Variants in STAU2 observed in about 807,000 individuals in gnomAD.
STAU2 encodes double-stranded RNA-binding protein Staufen homolog 2.
A neutral mutation model predicts 65.9 loss-of-function variants in STAU2; 20 were observed. That is an observed-to-expected ratio of 0.30 (90% CI 0.21 to 0.44). The LOEUF (loss-of-function observed/expected upper bound fraction) is 0.44, where lower values mean the gene tolerates loss of function less well. STAU2 is among the 20% of genes least tolerant of loss of function. The pLI is 1.00. For missense variants in STAU2, 558 were observed against 683.9 expected (o/e 0.82, Z 2.05); for synonymous variants, 232 against 233.9 (o/e 0.99, Z 0.07).
chr8:73,617,096 G>T (rs950070689), intron 7 of STAU2, among the ~76,000 whole-genome samples, 196 bp downstream of exon 7: 1 of 152,200 alleles, frequency 6.6e-6, no homozygotes, highest in Non-Finnish European at 1.5e-5. Context: ...CCAGTTGCCT[G>T]GGAAGTGAAC....
intron 5 of STAU2, among the ~76,000 whole-genome samples, chr8:73,683,963 T>A (rs890120414): frequency 2.0e-5 from 3 of 152,064 alleles, no homozygotes; most frequent in African/African-American, 7.2e-5. Context: ...TCATAGAGGA[T>A]ACAAACAAAT....
intron 10 of STAU2, among the ~76,000 whole-genome samples, chr8:73,596,653 C>T (rs187372767): frequency 4.3e-4 from 66 of 151,934 alleles, no homozygotes; most frequent in Non-Finnish European, 6.6e-4. Flanking sequence ...GTTTGAGACC[C>T]GCCTGGGCAA....
intron 13 of STAU2, among the ~76,000 whole-genome samples, chr8:73,543,899 T>A (rs1187732970): frequency 6.6e-6 from 1 of 152,222 alleles, no homozygotes; most frequent in Admixed American, 6.5e-5. Context: ...GTATGTACCA[T>A]GTTCTCTTAC....
intron 13 of STAU2, among the ~76,000 whole-genome samples, chr8:73,442,742 A>T (rs1007873280): frequency 2.6e-5 from 4 of 152,258 alleles, no homozygotes; most frequent in African/African-American, 9.6e-5. Flanking sequence ...ATAAGAATTT[A>T]TTCCATGATC....
At chr8:73,726,086 C>T (rs993114586) in intron 3 of STAU2, among the ~76,000 whole-genome samples, 1 of 151,198 alleles carries the variant, frequency 6.6e-6, no homozygotes, top group Admixed American at 6.6e-5. Flanking sequence ...TTCTACTAAA[C>T]AGAGAACAGA....
intron 13 of STAU2, among the ~76,000 whole-genome samples, chr8:73,481,946 G>A (rs1421312362): frequency 6.6e-6 from 1 of 152,128 alleles, no homozygotes; most frequent in Non-Finnish European, 1.5e-5. Flanking sequence ...TCCCTACTGT[G>A]AAGTTAGTCT....
intron 13 of STAU2, among the ~76,000 whole-genome samples, chr8:73,496,855 A>G (rs932932967): frequency 1.3e-5 from 2 of 151,704 alleles, no homozygotes; most frequent in South Asian, 4.1e-4. Flanking sequence ...CAAATGCTCA[A>G]TAGCCACATG....
In STAU2 at chr8:73,576,408, T is replaced by TA. The variant is rs879789113; in HGVS notation, c.1222+6361dup. 4.4e-4 allele frequency among the ~76,000 whole-genome samples: 64 copies of TA among 147,042 alleles called. No individual in the cohort carries two copies. The East Asian group carries it at 5.7e-3, about 13-fold the overall frequency. ...CATACGACGCTATTTTTCTAAAGTT[T>TA]AAAAAAAAAAGCAAAATTAAATAAG... On this transcript the variant is annotated intron_variant, in intron 12 of 14. Transcript: ENST00000524300.
At chr8:73,520,486 C>T (rs1822982771) in intron 13 of STAU2, among the ~76,000 whole-genome samples, 1 of 152,102 alleles carries the variant, frequency 6.6e-6, no homozygotes, top group African/African-American at 2.4e-5. Context: ...GACACTTGAT[C>T]CCTTATGTAG....
intron 4 of STAU2, among the ~76,000 whole-genome samples, chr8:73,708,380 T>C (rs1167733194): frequency 1.3e-5 from 2 of 152,208 alleles, no homozygotes; most frequent in African/African-American, 2.4e-5. Context: ...AACTAAGATA[T>C]TGTAAGCAAC....
intron 11 of STAU2, among the ~76,000 whole-genome samples, chr8:73,588,447 G>A (rs1163294414): frequency 2.0e-5 from 3 of 152,216 alleles, no homozygotes; most frequent in African/African-American, 2.4e-5. Context: ...AGGACAACTG[G>A]GGCTACAGCT....
At chr8:73,576,803 CCTTTA>C (rs1352473837) in intron 12 of STAU2, among the ~76,000 whole-genome samples, 1 of 152,082 alleles carries the variant, frequency 6.6e-6, no homozygotes, top group Non-Finnish European at 1.5e-5. Context: ...AGGAGCATTA[CCTTTA>C]TTTTCTCCTT....
intron 8 of STAU2, 124 bp downstream of exon 8, chr8:73,615,550 CT>C: frequency 1.6e-6 from 1 of 643,862 alleles, no homozygotes; most frequent in Non-Finnish European, 2.7e-6. Context: ...TTTCATAATA[CT>C]GGGTTTGAAC....
intron 12 of STAU2, among the ~76,000 whole-genome samples, chr8:73,560,630 A>G (rs1047841019): frequency 1.3e-5 from 2 of 152,228 alleles, no homozygotes; most frequent in Admixed American, 1.3e-4. Flanking sequence ...ACACAGTACC[A>G]ACGGGAAAAT....
At chr8:73,684,413 A>T (rs1484121122) in intron 5 of STAU2, among the ~76,000 whole-genome samples, 1 of 152,202 alleles carries the variant, frequency 6.6e-6, no homozygotes, top group African/African-American at 2.4e-5. Flanking sequence ...TCACATGGAG[A>T]AGAATGAAAC....
chr8:73,608,216 T>C (rs1057325207), intron 9 of STAU2, among the ~76,000 whole-genome samples: 1 of 152,178 alleles, frequency 6.6e-6, no homozygotes, highest in Non-Finnish European at 1.5e-5. Context: ...TTGTAGCCAG[T>C]TAAAACCTTA....
At chr8:73,671,794 G>A (rs532181562) in intron 6 of STAU2, among the ~76,000 whole-genome samples, 12 of 152,200 alleles carry the variant, frequency 7.9e-5, no homozygotes, top group Admixed American at 3.3e-4. Context: ...AGGCCGAGGC[G>A]GACAGATCAC....
At chr8:73,669,215 G>A (rs1256045334) in intron 6 of STAU2, 12 of 647,504 alleles carry the variant, frequency 1.9e-5, no homozygotes, top group Middle Eastern at 2.4e-4. Flanking sequence ...TTGAAACATG[G>A]CTTGGTAGCT....
chr8:73,441,524 AAATTTTCTGCTT>A (rs1375935352), intron 13 of STAU2: 1 of 152,244 alleles, frequency 6.6e-6, no homozygotes, highest in Admixed American at 6.5e-5. Flanking sequence ...ATGAAGGCAG[AAATTTTCTGCTT>A]TATTCATTGC....
Sources: allele counts gnomAD v4.1 joint callset (sites outside exome capture counted in the v4.1 genomes callset), GRCh38; gene constraint gnomAD v4.1.1; transcripts MANE v1.5; gene names NCBI Gene and HGNC (gene_info 2026-07-23, HGNC 2026-07-21).